Variants in PDSS2 observed in about 807,000 individuals in gnomAD.
PDSS2 encodes decaprenyl diphosphate synthase subunit 2, also known as all trans-polyprenyl-diphosphate synthase PDSS2.
In PDSS2, 31 loss-of-function variants were observed where a neutral mutation model predicts 44.5. That is an observed-to-expected ratio of 0.70 (90% CI 0.52 to 0.94). The LOEUF (loss-of-function observed/expected upper bound fraction) is 0.94. PDSS2 is among the 40% of genes least tolerant of loss of function. The probability of loss-of-function intolerance (pLI) is 0.00; values close to 1 mark genes in which losing one functional copy is unlikely to be tolerated. For missense variants in PDSS2, 452 were observed against 482.2 expected (o/e 0.94, Z 0.59); for synonymous variants, 157 against 180.3 (o/e 0.87, Z 1.03).
intron 1 of PDSS2, among the ~76,000 whole-genome samples, chr6:107,364,291 G>C (rs911115192): frequency 3.9e-5 from 6 of 152,252 alleles, no homozygotes; most frequent in Non-Finnish European, 8.8e-5. Flanking sequence ...CCGTGGAGTA[G>C]GGAGTGGTGC....
At position 107,273,333 on chromosome 6, in the gene PDSS2, A is replaced by T. The variant is rs113933414; in HGVS notation, c.630+696T>A. On this transcript the variant is annotated intron_variant, in intron 3 of 7. Transcript: ENST00000369037. ...CCATGTCTCTATAACAAAAGGAAAAAAAAAACACTAAAAATGTTTAACCCT... is the reference window on the plus strand; with the variant it reads ...CCATGTCTCTATAACAAAAGGAAAATAAAAACACTAAAAATGTTTAACCCT... Among the ~76,000 whole-genome samples, 677 of 152,224 alleles carry T rather than the reference A, an allele frequency of 4.4e-3. 13 individuals are homozygous for T. The highest frequency in any genetic ancestry group is 0.016 in the African/African-American group (656 of 41,548).
At chr6:107,323,315 AG>A (rs1459602038) in intron 2 of PDSS2, among the ~76,000 whole-genome samples, 1 of 152,238 alleles carries the variant, frequency 6.6e-6, no homozygotes, top group African/African-American at 2.4e-5. Context: ...CTTATTCATA[AG>A]AAATATTCAG....
intron 4 of PDSS2, among the ~76,000 whole-genome samples, chr6:107,221,257 G>C (rs936172959): frequency 2.7e-5 from 4 of 146,292 alleles, no homozygotes; most frequent in Non-Finnish European, 5.9e-5. Flanking sequence ...CAGGTGAATG[G>C]CGTGAACCTG....
intron 7 of PDSS2, among the ~76,000 whole-genome samples, chr6:107,173,061 T>C (rs1251718266): frequency 6.7e-6 from 1 of 149,486 alleles, no homozygotes; most frequent in East Asian, 2.0e-4. Flanking sequence ...GAGGCGGAAG[T>C]TGCAGTGACC....
chr6:107,232,983 T>C lies in PDSS2; in HGVS notation c.702+12565A>G, dbSNP rs542019219. 1.4e-4 allele frequency among the ~76,000 whole-genome samples: 21 copies of C among 152,122 alleles called. No homozygotes were observed. In the South Asian group the frequency reaches 2.9e-3, roughly 21 times the overall value. ...GGCATGTACCACCATATCTAGCTAA[T>C]TAAAAATTTTCTTTGTTCAGACAGA... is the stretch of plus-strand genomic sequence containing the variant. On this transcript the variant is annotated intron_variant, in intron 4 of 7. Coordinates refer to ENST00000369037, the MANE Select transcript of PDSS2 (RefSeq NM_020381.4).
At chr6:107,385,404 C>G (rs1779581225) in intron 1 of PDSS2, among the ~76,000 whole-genome samples, 1 of 151,952 alleles carries the variant, frequency 6.6e-6, no homozygotes, top group African/African-American at 2.4e-5. Context: ...AAAAAACATC[C>G]TGTTATCCTC....
At chr6:107,258,082 T>C (rs1452767251) in intron 3 of PDSS2, among the ~76,000 whole-genome samples, 1 of 152,228 alleles carries the variant, frequency 6.6e-6, no homozygotes, top group Non-Finnish European at 1.5e-5. Context: ...ATCAGAAATT[T>C]ACATTTGTAC....
chr6:107,155,876 CCTT>C (rs1562337903), intron 7 of PDSS2, among the ~76,000 whole-genome samples: 4 of 110,026 alleles, frequency 3.6e-5, no homozygotes, highest in African/African-American at 1.4e-4. Context: ...CCTTGCCCGG[CCTT>C]TTTTTTTTTT....
At chr6:107,184,233 T>G (rs1384624471) in intron 7 of PDSS2, among the ~76,000 whole-genome samples, 1 of 152,144 alleles carries the variant, frequency 6.6e-6, no homozygotes, top group Non-Finnish European at 1.5e-5. Flanking sequence ...TCAGAGCCAG[T>G]TTGCTAGGGT....
At position 107,227,445 on chromosome 6, in the gene PDSS2, C is replaced by T. The variant is rs150690632; in HGVS notation, c.703-15163G>A. 6.2e-3 allele frequency among the ~76,000 whole-genome samples: 931 copies of T among 151,024 alleles called. 9 individuals carry two copies. The highest frequency in any genetic ancestry group is 0.022 in the African/African-American group (902 of 41,086). ...CTGGGATTACAGTTGTGTGCCACCA[C>T]ACTTGGCTAATTTTTATACTTTTAG... On this transcript the variant is annotated intron_variant, in intron 4 of 7. Transcript: ENST00000369037.
At chr6:107,242,590 TG>T (rs975476443) in intron 4 of PDSS2, among the ~76,000 whole-genome samples, 1 of 152,208 alleles carries the variant, frequency 6.6e-6, no homozygotes, top group African/African-American at 2.4e-5. Context: ...TCACCCAGGC[TG>T]GAGTACAGTG....
At chr6:107,294,955 A>C (rs368626608) in intron 2 of PDSS2, among the ~76,000 whole-genome samples, 3 of 151,952 alleles carry the variant, frequency 2.0e-5, no homozygotes, top group South Asian at 2.1e-4. Flanking sequence ...TTTGAGATGG[A>C]GTCTCGCTTG....
intron 1 of PDSS2, among the ~76,000 whole-genome samples, chr6:107,363,663 G>C (rs944990400): frequency 1.3e-5 from 2 of 152,202 alleles, no homozygotes; most frequent in African/African-American, 4.8e-5. Context: ...AAGGGGACCC[G>C]AGCGGGTTGC....
intron 4 of PDSS2, among the ~76,000 whole-genome samples, chr6:107,222,376 C>T (rs375573614): frequency 1.3e-5 from 2 of 152,100 alleles, no homozygotes; most frequent in East Asian, 1.9e-4. Flanking sequence ...TAAGGAGGGC[C>T]GGGCATGGTA....
At chr6:107,282,588 G>A (rs543353186) in intron 2 of PDSS2, among the ~76,000 whole-genome samples, 3 of 151,478 alleles carry the variant, frequency 2.0e-5, no homozygotes, top group East Asian at 2.0e-4. Flanking sequence ...TTTTGGGGCC[G>A]GGCTCCGTGG....
intron 3 of PDSS2, among the ~76,000 whole-genome samples, chr6:107,256,138 A>ACC (rs1562412354): frequency 1.2e-4 from 18 of 152,072 alleles, no homozygotes; most frequent in South Asian, 4.1e-4. Flanking sequence ...CTACAGGTGC[A>ACC]TGCCACCATG....
At chr6:107,198,501 T>C (rs937369493) in intron 6 of PDSS2, among the ~76,000 whole-genome samples, 1 of 152,186 alleles carries the variant, frequency 6.6e-6, no homozygotes, top group African/African-American at 2.4e-5. Flanking sequence ...AAAAGTATCA[T>C]TTATTTTAGG....
chr6:107,386,574 G>A (rs1224709131), intron 1 of PDSS2, among the ~76,000 whole-genome samples: 2 of 152,068 alleles, frequency 1.3e-5, no homozygotes, highest in Non-Finnish European at 2.9e-5. Flanking sequence ...CACAAAGTTG[G>A]AAGGTATCCA....
chr6:107,393,004 A>G (rs1161213087), intron 1 of PDSS2, among the ~76,000 whole-genome samples: 2 of 152,048 alleles, frequency 1.3e-5, no homozygotes, highest in East Asian at 1.9e-4. Context: ...TTTAAAAAAC[A>G]GTATTTGGTT....
Sources: allele counts gnomAD v4.1 joint callset (sites outside exome capture counted in the v4.1 genomes callset), GRCh38; gene constraint gnomAD v4.1.1; transcripts MANE v1.5; gene names NCBI Gene and HGNC (gene_info 2026-07-23, HGNC 2026-07-21).